HPSE2: variants seen among roughly 807,000 people sequenced by gnomAD.
HPSE2 encodes the protein heparanase 2 (inactive).
A neutral mutation model predicts 60.5 loss-of-function variants in HPSE2; 38 were observed. That is an observed-to-expected ratio of 0.63 (90% CI 0.48 to 0.82). HPSE2 has a LOEUF of 0.82. Among genes scored for constraint, HPSE2 ranks in the 40% least tolerant of loss-of-function variants. The pLI, the probability that HPSE2 is intolerant of heterozygous loss-of-function variation, is 0.00. For missense variants in HPSE2, 713 were observed against 740.4 expected, an observed-to-expected ratio of 0.96 and a Z score of 0.43; for synonymous variants, 295 against 293.2, an observed-to-expected ratio of 1.01 and a Z score of -0.06.
Position 99,048,964 on chromosome 10 carries a change from G to A in HPSE2, c.610+95274C>T, listed in dbSNP as rs185312951. ...GGAGCTGGAGGCCATAATCCTAAGT[G>A]AACTAACACAGGAACAGAAAACCAA... On this transcript the variant is annotated intron_variant, in intron 3 of 11. Coordinates refer to ENST00000370552, the MANE Select transcript of HPSE2 (RefSeq NM_021828.5). 3.3e-5 allele frequency among the ~76,000 whole-genome samples: 5 copies of A among 152,246 alleles called. No homozygotes were observed. In the East Asian group the frequency reaches 9.7e-4, roughly 29 times the overall value.
rs967119157 is a variant in HPSE2, at chr10:99,227,869, A to G, written c.448+4479T>C. On this transcript the variant is annotated intron_variant, in intron 2 of 11. Transcript: ENST00000370552. ...TATATATAAAGTTGAATGTGTATATATGTGTGTGTGTGTGTGTGTGTGTGT... is the reference window on the plus strand; with the variant it reads ...TATATATAAAGTTGAATGTGTATATGTGTGTGTGTGTGTGTGTGTGTGTGT... Among the ~76,000 whole-genome samples the G allele has an allele frequency of 6.3e-5, 9 of 142,388 alleles. No homozygotes were observed. The East Asian group carries it at 1.0e-3, about 16-fold the overall frequency. 93.4% of individuals were successfully genotyped at this position (142,388 alleles called of 152,430 possible). A position where few individuals can be genotyped will look rare whatever the true frequency, so the allele number is the denominator to read the frequency against.
the HPSE2 span, among the ~76,000 whole-genome samples, chr10:99,249,797 C>T: frequency 6.6e-6 from 1 of 152,128 alleles, no homozygotes; most frequent in South Asian, 2.1e-4. Context: ...GGTGGATTTG[C>T]CCCTTGCTGT....
intron 2 of HPSE2, among the ~76,000 whole-genome samples, chr10:99,227,877 G>A (rs867385480): frequency 0.028 from 4,107 of 145,626 alleles, 192 homozygotes; most frequent in African/African-American, 0.096. Flanking sequence ...ATATGTGTGT[G>A]TGTGTGTGTG....
In HPSE2 at chr10:99,153,995, G is replaced by C. The variant is rs557664339; in HGVS notation, c.449-9596C>G. ...GCTGATGCGATCAAATGGAAGAAAGGGTATCAGCAATGGAAGATGAAATAA... is the reference window on the plus strand; with the variant it reads ...GCTGATGCGATCAAATGGAAGAAAGCGTATCAGCAATGGAAGATGAAATAA... On this transcript the variant is annotated intron_variant, in intron 2 of 11. Transcript: ENST00000370552. Among the ~76,000 whole-genome samples the C allele has an allele frequency of 2.6e-5, 4 of 152,144 alleles. No individual in the cohort carries two copies. In the South Asian group the frequency reaches 8.3e-4, roughly 32 times the overall value.
intron 3 of HPSE2, among the ~76,000 whole-genome samples, chr10:98,988,381 A>G (rs1358801944): frequency 6.6e-6 from 1 of 152,304 alleles, no homozygotes; most frequent in East Asian, 1.9e-4. Flanking sequence ...CCTGAGAAAA[A>G]CAAGCAATCG....
chr10:98,851,762 C>A lies in HPSE2; in HGVS notation c.611-107706G>T, dbSNP rs191480401. ...TGTGATACAAATAAGCTCACTTCCA[C>A]CTCCAAGAAAGTTTCAATATGGGAT... is the stretch of plus-strand genomic sequence containing the variant. On this transcript the variant is annotated intron_variant, in intron 3 of 11. Transcript: ENST00000370552. Among the ~76,000 whole-genome samples, 140 of 152,290 alleles carry A rather than the reference C, an allele frequency of 9.2e-4. 1 individual carries two copies. The highest frequency in any genetic ancestry group is 3.3e-3 in the African/African-American group (136 of 41,562).
At chr10:98,542,889 G>A (rs1383103816) in intron 9 of HPSE2, among the ~76,000 whole-genome samples, 1 of 152,162 alleles carries the variant, frequency 6.6e-6, no homozygotes, top group Non-Finnish European at 1.5e-5. Context: ...ATGGAACCAA[G>A]TTGGAAAACA....
At chr10:99,182,758 G>A (rs955434116) in intron 2 of HPSE2, among the ~76,000 whole-genome samples, 8 of 152,094 alleles carry the variant, frequency 5.3e-5, no homozygotes, top group African/African-American at 1.7e-4. Flanking sequence ...AGCACTTTGG[G>A]AGGCTGAGGG....
At chr10:98,620,807 C>T in intron 7 of HPSE2, 99 bp from the exon 8 acceptor site, 1 of 867,004 alleles carries the variant, frequency 1.2e-6, no homozygotes, top group Non-Finnish European at 1.9e-6. Context: ...GATCTGATTT[C>T]CTGTTTTCAG....
In HPSE2 at chr10:99,201,897, A is replaced by T. The variant is rs187186395; in HGVS notation, c.448+30451T>A. On this transcript the variant is annotated intron_variant, in intron 2 of 11. Transcript: ENST00000370552. ...AGAAACCAAAATGGCCAGAAGATGAACACGACGCCATACTCCATGGTGGTA... is the reference window on the plus strand; with the variant it reads ...AGAAACCAAAATGGCCAGAAGATGATCACGACGCCATACTCCATGGTGGTA... 2.6e-5 allele frequency among the ~76,000 whole-genome samples: 4 copies of T among 152,294 alleles called. No individual in the cohort carries two copies. In the East Asian group the frequency reaches 7.7e-4, roughly 29 times the overall value.
At chr10:98,500,918 A>G (rs76329610) in intron 9 of HPSE2, among the ~76,000 whole-genome samples, 3,564 of 152,244 alleles carry the variant, frequency 0.023, 56 homozygotes, top group Non-Finnish European at 0.038. Context: ...ACTTGTGAAC[A>G]CCTTTATGCA....
chr10:99,306,178 C>A, the HPSE2 span, among the ~76,000 whole-genome samples: 1 of 151,938 alleles, frequency 6.6e-6, no homozygotes, highest in Non-Finnish European at 1.5e-5. Flanking sequence ...AATGGAACAC[C>A]AGCAGTATTT....
At chr10:99,027,884 T>C (rs1182677690) in intron 3 of HPSE2, among the ~76,000 whole-genome samples, 1 of 152,132 alleles carries the variant, frequency 6.6e-6, no homozygotes, top group Non-Finnish European at 1.5e-5. Context: ...ATACATCATA[T>C]CAACAAAATG....
intron 1 of HPSE2, 46 bp from the exon 2 acceptor site, chr10:99,232,551 G>T: frequency 1.3e-6 from 2 of 1,544,754 alleles, no homozygotes; most frequent in South Asian, 1.2e-5. Context: ...AGGACAGGAC[G>T]AGAGCGCGTG....
At chr10:98,665,703 G>C (rs1239995843) in intron 6 of HPSE2, among the ~76,000 whole-genome samples, 1 of 152,066 alleles carries the variant, frequency 6.6e-6, no homozygotes, top group Admixed American at 6.6e-5. Context: ...ATAAGCAAAG[G>C]AGGATACAAT....
At chr10:98,705,263 C>G (rs1565096119) in intron 5 of HPSE2, among the ~76,000 whole-genome samples, 1 of 152,160 alleles carries the variant, frequency 6.6e-6, no homozygotes, top group Non-Finnish European at 1.5e-5. Flanking sequence ...ACAATAGATG[C>G]TGGCGAAGCT....
At chr10:98,872,036 T>C (rs1045656445) in intron 3 of HPSE2, among the ~76,000 whole-genome samples, 6 of 152,134 alleles carry the variant, frequency 3.9e-5, no homozygotes, top group Admixed American at 3.9e-4. Flanking sequence ...ACTTTGAAAA[T>C]CTAGGATAAA....
In HPSE2 at chr10:99,031,261, ATACC is replaced by A. The variant is rs377503688; in HGVS notation, c.610+112973_610+112976del. Among the ~76,000 whole-genome samples the A allele has an allele frequency of 8.2e-4, 125 of 152,300 alleles. 1 individual carries two copies. In the East Asian group the frequency reaches 0.02, roughly 25 times the overall value. ...CATCTCATGTACCCCAAAAATACAT[ATACC>A]TACCATGTACCCACAAAATTTAAAA... On this transcript the variant is annotated intron_variant, in intron 3 of 11. Transcript: ENST00000370552.
chr10:98,764,384 A>G (rs552633703), intron 3 of HPSE2, among the ~76,000 whole-genome samples: 21 of 152,196 alleles, frequency 1.4e-4, no homozygotes, highest in Non-Finnish European at 2.5e-4. Context: ...AGCAAATAAA[A>G]GACAAAAAGA....
Sources: allele counts gnomAD v4.1 joint callset (sites outside exome capture counted in the v4.1 genomes callset), GRCh38; gene constraint gnomAD v4.1.1; transcripts MANE v1.5; gene names NCBI Gene and HGNC (gene_info 2026-07-23, HGNC 2026-07-21).